AGMO: variants seen among roughly 807,000 people sequenced by gnomAD.
AGMO encodes the protein alkylglycerol monooxygenase.
AGMO carries 75 observed loss-of-function variants against 60.2 expected under a neutral mutation model. That is an observed-to-expected ratio of 1.25 (90% CI 1.03 to 1.51). The LOEUF is 1.51. Among genes scored for constraint, AGMO ranks in the 40% most tolerant of loss-of-function variants. The pLI is 0.00. For synonymous variants in AGMO, 261 were observed against 177.1 expected (o/e 1.47, Z -3.76); for missense variants, 763 against 525.5 (o/e 1.45, Z -4.42).
chr7:15,265,986 G>T (rs900367396), intron 12 of AGMO, among the ~76,000 whole-genome samples: 5 of 152,046 alleles, frequency 3.3e-5, no homozygotes, highest in African/African-American at 1.2e-4. Context: ...GCTACAATAT[G>T]GATGACCCTT....
At chr7:15,413,302 G>T (rs1248118291) in intron 5 of AGMO, among the ~76,000 whole-genome samples, 16 of 152,106 alleles carry the variant, frequency 1.1e-4, no homozygotes, top group Admixed American at 9.2e-4. Flanking sequence ...ACAAGAGAAA[G>T]TAAAATCTTA....
At chr7:15,347,933 T>C (rs1488088940) in intron 12 of AGMO, among the ~76,000 whole-genome samples, 6 of 152,076 alleles carry the variant, frequency 3.9e-5, no homozygotes, top group African/African-American at 1.4e-4. Context: ...CCTATCTTTA[T>C]GTCAAAAGCA....
chr7:15,245,349 G>T (rs28464687), intron 12 of AGMO, among the ~76,000 whole-genome samples: 3,887 of 152,190 alleles, frequency 0.026, 176 homozygotes, highest in African/African-American at 0.089. Flanking sequence ...TTTGACCAGG[G>T]GAAATGCTAA....
intron 12 of AGMO, 78 bp from the exon 13 acceptor site, chr7:15,201,437 C>A: frequency 9.7e-7 from 1 of 1,034,054 alleles, no homozygotes; most frequent in Non-Finnish European, 1.4e-6. Flanking sequence ...AAAAATATTT[C>A]CCTAGAGGAA....
intron 3 of AGMO, among the ~76,000 whole-genome samples, chr7:15,491,063 G>A (rs550867959): frequency 1.3e-5 from 2 of 152,066 alleles, no homozygotes; most frequent in Non-Finnish European, 2.9e-5. Flanking sequence ...ACTCTAATCT[G>A]CCCATTGTTA....
chr7:15,160,195 T>C, the AGMO span, among the ~76,000 whole-genome samples: 3 of 152,110 alleles, frequency 2.0e-5, no homozygotes, highest in Non-Finnish European at 4.4e-5. Context: ...CAGCGAGAAG[T>C]AGGAATTTTA....
chr7:15,181,657 C>T, the AGMO span, among the ~76,000 whole-genome samples: 4 of 151,936 alleles, frequency 2.6e-5, no homozygotes, highest in African/African-American at 9.7e-5. Context: ...TCCATTATTC[C>T]TTCTTTAACT....
chr7:15,523,077 C>A (rs181901821), intron 3 of AGMO, among the ~76,000 whole-genome samples: 6 of 152,128 alleles, frequency 3.9e-5, no homozygotes, highest in Non-Finnish European at 7.3e-5. Context: ...ATGCGGCCAA[C>A]AAACATATGA....
rs201395956 is a variant in AGMO at position 15,366,233 on chromosome 7, A to C, written c.1075-11T>G. 25 of 1,594,038 alleles carry C rather than the reference A, an allele frequency of 1.6e-5. No individual in the cohort carries two copies. Among genetic ancestry groups the C allele is most frequent in the Non-Finnish European group, 2.1e-5 (24 of 1,167,818 alleles). On this transcript the variant is annotated splice_polypyrimidine_tract_variant and intron_variant, in intron 10 of 12. Transcript: ENST00000342526. ...AACTTGCGACAGTGCCTGTCAAACA[A>C]ACACGGAGATCAATGGAGCCGTTAG...
intron 12 of AGMO, among the ~76,000 whole-genome samples, chr7:15,273,670 T>C (rs972146397): frequency 6.6e-6 from 1 of 152,136 alleles, no homozygotes; most frequent in Non-Finnish European, 1.5e-5. Flanking sequence ...AAGTCACTGG[T>C]AGGTTGATGG....
chr7:15,200,970 CCTT>C lies in AGMO; in HGVS notation c.*312_*314del. 4.9e-6 allele frequency: 1 copy of C among 206,000 alleles called. No individual in the cohort carries two copies. The highest frequency in any genetic ancestry group is 9.6e-6 in the Non-Finnish European group (1 of 104,342). The allele number at this position is 206,000 out of a possible 1,614,324, so 12.8% of individuals were successfully genotyped here. A position where few individuals can be genotyped will look rare whatever the true frequency, so the allele number is the denominator to read the frequency against. The stretch of plus-strand genomic sequence containing the variant: ...TTCAAATTGATGTAAAGGCAATATT[CCTT>C]CTTGTTTTTACTGTTTTTAAGTTTC... On this transcript the variant is annotated 3_prime_UTR_variant, in exon 13 of 13. Transcript: ENST00000342526.
chr7:15,189,724 A>G, the AGMO span, among the ~76,000 whole-genome samples: 1 of 151,940 alleles, frequency 6.6e-6, no homozygotes, highest in Non-Finnish European at 1.5e-5. Flanking sequence ...CAAGTTTTAG[A>G]TTTGATCTTG....
chr7:15,221,755 T>G (rs1353921887), intron 12 of AGMO, among the ~76,000 whole-genome samples: 2 of 152,182 alleles, frequency 1.3e-5, no homozygotes, highest in Non-Finnish European at 2.9e-5. Context: ...TCTGCTTCCT[T>G]CAAGGAATAG....
At chr7:15,403,075 G>A (rs919634373) in intron 5 of AGMO, among the ~76,000 whole-genome samples, 1 of 151,736 alleles carries the variant, frequency 6.6e-6, no homozygotes, top group Non-Finnish European at 1.5e-5. Flanking sequence ...TGGGACTGAT[G>A]AAAAAAATCA....
the AGMO span, among the ~76,000 whole-genome samples, chr7:15,163,286 C>A: frequency 6.6e-6 from 1 of 152,132 alleles, no homozygotes; most frequent in Admixed American, 6.6e-5. Context: ...AATTTGACTT[C>A]CACTTTTCCA....
At chr7:15,509,748 A>G (rs1356693101) in intron 3 of AGMO, among the ~76,000 whole-genome samples, 4 of 152,200 alleles carry the variant, frequency 2.6e-5, no homozygotes, top group Non-Finnish European at 4.4e-5. Flanking sequence ...AAAAATGGGC[A>G]AAGGACCTGA....
the AGMO span, among the ~76,000 whole-genome samples, chr7:15,192,330 G>A: frequency 1.3e-5 from 2 of 151,880 alleles, no homozygotes; most frequent in Admixed American, 6.6e-5. Context: ...GTGGAAGAGT[G>A]ACAGAGCAGC....
At chr7:15,135,169 T>A in the AGMO span, among the ~76,000 whole-genome samples, 40 of 138,706 alleles carry the variant, frequency 2.9e-4, no homozygotes, top group East Asian at 1.8e-3. Flanking sequence ...AGTTTGTGTG[T>A]GTGTGTGTGT....
chr7:15,293,538 A>T (rs979303622), intron 12 of AGMO, among the ~76,000 whole-genome samples: 2 of 152,172 alleles, frequency 1.3e-5, no homozygotes, highest in African/African-American at 2.4e-5. Flanking sequence ...AAGTTATAAA[A>T]AAATGTTGAA....
Sources: allele counts gnomAD v4.1 joint callset (sites outside exome capture counted in the v4.1 genomes callset), GRCh38; gene constraint gnomAD v4.1.1; transcripts MANE v1.5; gene names NCBI Gene and HGNC (gene_info 2026-07-23, HGNC 2026-07-21).